Variants in PCDHGB1 observed in about 807,000 individuals in gnomAD.
PCDHGB1 encodes the protein protocadherin gamma subfamily B, 1, also known as protocadherin gamma-B1.
PCDHGB1 carries 34 observed loss-of-function variants against 56.6 expected under a neutral mutation model. The ratio of observed to expected loss-of-function variants is 0.60; its 90% CI spans 0.46 to 0.80. The LOEUF (loss-of-function observed/expected upper bound fraction) is 0.80. PCDHGB1 is among the 30% of genes least tolerant of loss of function. The probability of loss-of-function intolerance (pLI) is 0.00; values close to 1 mark genes in which losing one functional copy is unlikely to be tolerated. For synonymous variants in PCDHGB1, 561 were observed against 505.9 expected, an observed-to-expected ratio of 1.11 and a Z score of -1.46; for missense variants, 1,278 against 1,204.6, an observed-to-expected ratio of 1.06 and a Z score of -0.90.
rs1591337394 is a variant in PCDHGB1, at chr5:141,434,573, C to A, written c.2410-60234C>A. 2.0e-5 allele frequency among the ~76,000 whole-genome samples: 3 copies of A among 152,336 alleles called. No individual in the cohort carries two copies. The South Asian group carries it at 6.2e-4, about 32-fold the overall frequency. On this transcript the variant is annotated intron_variant, in intron 1 of 3. Transcript: ENST00000523390. The stretch of plus-strand genomic sequence containing the variant: ...TCTGTGCCTTAAGGACATGCCCCTG[C>A]TGCAGATAACTACCTCAATCCATCC...
At chr5:141,371,741 T>TC (rs1767992847) in intron 1 of PCDHGB1, 2 of 1,614,004 alleles carry the variant, frequency 1.2e-6, no homozygotes, top group South Asian at 2.2e-5. Context: ...ACGACAACGT[T>TC]CCCGTTTTCC....
Position 141,490,365 on chromosome 5 carries a change from A to G in PCDHGB1, c.2410-4442A>G. The G allele has an allele frequency of 6.2e-7, 1 of 1,614,170 alleles. No individual in the cohort carries two copies. The highest frequency in any genetic ancestry group is 8.5e-7 in the Non-Finnish European group (1 of 1,180,030). On this transcript the variant is annotated intron_variant, in intron 1 of 3. Coordinates refer to ENST00000523390, the MANE Select transcript of PCDHGB1 (RefSeq NM_018922.3). The surrounding 1 kb of genome is among the most constrained non-coding windows in gnomAD (Gnocchi z 5.4). ...CAGTAGTGGGGTTGTTTAATGTGCG[A>G]GACCGGGACTCAGGTAGAAATGGTG...
In PCDHGB1 at chr5:141,491,533, C is replaced by G. The variant is rs758270791; in HGVS notation, c.2410-3274C>G. 4.3e-6 allele frequency: 7 copies of G among 1,614,010 alleles called. No homozygotes were observed. The highest frequency in any genetic ancestry group is 5.1e-6 in the Non-Finnish European group (6 of 1,180,028). ...GCTCAAGTACATGGAGGTGACGCTGCGGCCCACAGACTCGCAGAGCCACTG... is the reference window on the plus strand; with the variant it reads ...GCTCAAGTACATGGAGGTGACGCTGGGGCCCACAGACTCGCAGAGCCACTG... On this transcript the variant is annotated intron_variant, in intron 1 of 3. Transcript: ENST00000523390. The surrounding 1 kb of genome is among the most constrained non-coding windows in gnomAD (Gnocchi z 6.9).
intron 1 of PCDHGB1, chr5:141,375,931 T>C (rs746995876): frequency 6.2e-6 from 10 of 1,613,646 alleles, no homozygotes; most frequent in South Asian, 4.4e-5. Context: ...AGCCAGGACT[T>C]TTCTCAGTGG....
chr5:141,501,328 CACA>C (rs2099808027), intron 2 of PCDHGB1, among the ~76,000 whole-genome samples: 1 of 151,710 alleles, frequency 6.6e-6, no homozygotes, highest in Non-Finnish European at 1.5e-5. Context: ...CACACACACA[CACA>C]CACCCCAAAC....
At chr5:141,355,344 C>A (rs1350319384) in intron 1 of PCDHGB1, 3 of 1,613,926 alleles carry the variant, frequency 1.9e-6, no homozygotes, top group African/African-American at 1.3e-5. Flanking sequence ...TGGGCAACAT[C>A]GCCAAGGACC....
chr5:141,372,030 G>A (rs1561553995), intron 1 of PCDHGB1: 1 of 1,613,446 alleles, frequency 6.2e-7, no homozygotes, highest in East Asian at 2.2e-5. Flanking sequence ...CAGCGCCAAC[G>A]TGAGCCTGCG....
chr5:141,418,351 G>A, intron 1 of PCDHGB1: 1 of 1,614,026 alleles, frequency 6.2e-7, no homozygotes, highest in Non-Finnish European at 8.5e-7. Flanking sequence ...ATATTAGTAT[G>A]AATTCGCTGA....
rs200646513 is a variant in PCDHGB1, at chr5:141,421,389, G to A, written c.2409+68720G>A. ...TGGGCAATATCTCCAAGGACCTGGG[G>A]CTGGAGCCCCGGGAGCTGGCGAAGC... On this transcript the variant is annotated intron_variant, in intron 1 of 3. Coordinates refer to ENST00000523390, the MANE Select transcript of PCDHGB1 (RefSeq NM_018922.3). The A allele has an allele frequency of 1.7e-3, 2,771 of 1,614,052 alleles. 5 individuals carry two copies. The highest frequency in any genetic ancestry group is 2.2e-3 in the Non-Finnish European group (2,560 of 1,179,918).
chr5:141,495,430 C>T (rs1189953474), intron 2 of PCDHGB1, among the ~76,000 whole-genome samples: 3 of 152,220 alleles, frequency 2.0e-5, no homozygotes, highest in Admixed American at 2.0e-4. Context: ...TCCCACTGTC[C>T]TCTGCCCCTA....
intron 1 of PCDHGB1, chr5:141,393,583 C>T: frequency 6.2e-7 from 1 of 1,613,930 alleles, no homozygotes. Flanking sequence ...AACATGCCCC[C>T]AGGCACGCGG....
Position 141,360,239 on chromosome 5 carries a change from A to G in PCDHGB1, c.2409+7570A>G, listed in dbSNP as rs775491179. 2 of 1,613,884 alleles carry G rather than the reference A, an allele frequency of 1.2e-6. No homozygotes were observed. The highest frequency in any genetic ancestry group is 1.7e-6 in the Non-Finnish European group (2 of 1,179,852). On this transcript the variant is annotated intron_variant, in intron 1 of 3. Transcript: ENST00000523390. ...GGGGCTCTCCCAGTCCAGATCCGCTATTCAATTCCAGAGGAGCTGGCCAAA... is the reference window on the plus strand; with the variant it reads ...GGGGCTCTCCCAGTCCAGATCCGCTGTTCAATTCCAGAGGAGCTGGCCAAA...
At chr5:141,378,150 T>C (rs915126320) in intron 1 of PCDHGB1, 8 of 152,250 alleles carry the variant, frequency 5.3e-5, no homozygotes, top group African/African-American at 1.7e-4. Flanking sequence ...ATTATAATTA[T>C]TGGGTTGTTA....
At position 141,476,760 on chromosome 5, in the gene PCDHGB1, C is replaced by A; in HGVS notation, c.2410-18047C>A. The A allele has an allele frequency of 6.2e-7, 1 of 1,613,824 alleles. No homozygotes were observed. Among genetic ancestry groups the A allele is most frequent in the Non-Finnish European group, 8.5e-7 (1 of 1,180,010 alleles). On this transcript the variant is annotated intron_variant, in intron 1 of 3. Coordinates refer to ENST00000523390, the MANE Select transcript of PCDHGB1 (RefSeq NM_018922.3). This position sits in a 1 kb window ranked among gnomAD's most constrained non-coding sequence, Gnocchi z 7.6. ...GAGCCTAGTCTCCAGTTAGTGCTGA[C>A]GGCGTTGGACGGAGGGACCCCAGCT...
At chr5:141,437,741 CTT>C (rs35124340) in intron 1 of PCDHGB1, among the ~76,000 whole-genome samples, 17 of 141,612 alleles carry the variant, frequency 1.2e-4, no homozygotes, top group Admixed American at 2.1e-4. Flanking sequence ...TTGAGTTCAC[CTT>C]TTTTTTTTTT....
intron 1 of PCDHGB1, among the ~76,000 whole-genome samples, chr5:141,456,303 G>A (rs941370138): frequency 6.6e-6 from 1 of 152,156 alleles, no homozygotes; most frequent in Non-Finnish European, 1.5e-5. Flanking sequence ...ATGGAGAACA[G>A]CAGCTAGGGC....
Position 141,421,984 on chromosome 5 carries a change from C to G in PCDHGB1, c.2409+69315C>G, listed in dbSNP as rs201871921. On this transcript the variant is annotated intron_variant, in intron 1 of 3. Transcript: ENST00000523390. ...ACAGTCCGTATATCGCGTGAGTGTT[C>G]CAGAAAACATCAGCTCCGGAACTCG... 21 of 1,608,770 alleles carry G rather than the reference C, an allele frequency of 1.3e-5. No homozygotes were observed. In the Admixed American group the frequency reaches 2.4e-4, roughly 18 times the overall value.
chr5:141,356,654 C>T (rs771447398), intron 1 of PCDHGB1: 2 of 1,614,016 alleles, frequency 1.2e-6, no homozygotes, highest in Non-Finnish European at 1.7e-6. Context: ...GGTGACAATG[C>T]CCGAATCACT....
chr5:141,355,167 A>G lies in PCDHGB1; in HGVS notation c.2409+2498A>G, dbSNP rs755561054. On this transcript the variant is annotated intron_variant, in intron 1 of 3. Transcript: ENST00000523390. ...CTCCTCAGGCCTCGACAGAGGGAAA[A>G]CCGAAGCACAGGCGACTCCGCGGCG... The G allele has an allele frequency of 1.7e-5, 27 of 1,565,180 alleles. No individual in the cohort carries two copies. The Admixed American group carries it at 3.7e-4, about 22-fold the overall frequency.
Sources: allele counts gnomAD v4.1 joint callset (sites outside exome capture counted in the v4.1 genomes callset), GRCh38; gene constraint gnomAD v4.1.1; non-coding constraint Gnocchi (gnomAD v3.1); transcripts MANE v1.5; gene names NCBI Gene and HGNC (gene_info 2026-07-23, HGNC 2026-07-21).